The following STARD9 variants were observed in gnomAD, a reference collection of about 807,000 sequenced individuals.
STARD9 encodes StAR related lipid transfer domain containing 9.
A neutral mutation model predicts 399.8 loss-of-function variants in STARD9; 346 were observed. The observed-to-expected ratio is 0.87, with a 90% CI of 0.79 to 0.95. STARD9 has a LOEUF of 0.95. Among genes scored for constraint, STARD9 ranks in the 40% least tolerant of loss-of-function variants. The pLI is 0.00. For synonymous variants in STARD9, 2,203 were observed against 2,143.5 expected (o/e 1.03, Z -0.77); for missense variants, 5,832 against 5,667.5 (o/e 1.03, Z -0.93).
At chr15:42,607,904 C>T (rs1007490339) in intron 3 of STARD9, among the ~76,000 whole-genome samples, 4 of 152,070 alleles carry the variant, frequency 2.6e-5, no homozygotes, top group Non-Finnish European at 5.9e-5. Flanking sequence ...TATTGAAAAC[C>T]AGCCTCAAGT....
chr15:42,692,348 C>A lies in STARD9; in HGVS notation c.10770C>A (p.Phe3590Leu). 5.2e-6 allele frequency: 8 copies of A among 1,537,020 alleles called. No individual in the cohort carries two copies. Among genetic ancestry groups the A allele is most frequent in the Non-Finnish European group, 7.0e-6 (8 of 1,146,898 alleles). Residue 3590 changes from phenylalanine (F) to leucine (L), a missense_variant, in exon 23 of 33, where the codon TTC becomes TTA. This residue lies in a region of STARD9 where 5,828 missense variants were observed against 5,651.1 expected (regional missense o/e 1.03). Coordinates refer to ENST00000290607, the MANE Select transcript of STARD9 (RefSeq NM_020759.3). Reference sequence around the variant, plus strand: ...CGGGTCATGACAGAAGGCCTCAGTTCAGGGGCCCTTCTGGTGAAGCAGACT... The same window carrying A: ...CGGGTCATGACAGAAGGCCTCAGTTAAGGGGCCCTTCTGGTGAAGCAGACT... ...PTSGHDRRPQ[F>L]RGPSGEADCL...
chr15:42,590,338 A>G (rs1231055163), intron 3 of STARD9, among the ~76,000 whole-genome samples: 3 of 152,166 alleles, frequency 2.0e-5, no homozygotes, highest in Non-Finnish European at 4.4e-5. Context: ...TTCTAACTAT[A>G]AAGGATACAG....
At position 42,690,832 on chromosome 15, in the gene STARD9, C is replaced by T. The variant is rs1210305537; in HGVS notation, c.9254C>T (p.Pro3085Leu). Residue 3085 changes from proline (P) to leucine (L), a missense_variant, in exon 23 of 33, where the codon CCT becomes CTT. Physicochemically the swap from Pro to Leu is moderately conservative, Grantham distance 98 (BLOSUM62 -3). Transcript: ENST00000290607. ...GGAAGCGTGGGGTTAATAGGGGTTCCTGAGAAAAAGGTTGCTGAGAAGCAA... is the reference window on the plus strand; with the variant it reads ...GGAAGCGTGGGGTTAATAGGGGTTCTTGAGAAAAAGGTTGCTGAGAAGCAA... ...TDGSVGLIGVPEKKVAEKQAS... is the reference protein window; with the variant it reads ...TDGSVGLIGVLEKKVAEKQAS... 2.6e-6 allele frequency: 4 copies of T among 1,536,964 alleles called. No individual in the cohort carries two copies. Among genetic ancestry groups the T allele is most frequent in the Non-Finnish European group, 3.5e-6 (4 of 1,146,826 alleles).
At chr15:42,578,849 AAACAG>A (rs1487761431) in intron 1 of STARD9, among the ~76,000 whole-genome samples, 5 of 152,190 alleles carry the variant, frequency 3.3e-5, no homozygotes, top group Admixed American at 1.3e-4. Flanking sequence ...TTGTAGCAGA[AAACAG>A]AACAAAGTTC....
At chr15:42,592,427 TTTTTTTCTTTTTC>T (rs1288496339) in intron 3 of STARD9, among the ~76,000 whole-genome samples, 2 of 152,114 alleles carry the variant, frequency 1.3e-5, no homozygotes, top group African/African-American at 2.4e-5. Context: ...AGCTTCCTGT[TTTTTTTCTTTTTC>T]TTTTTTCTTT....
In STARD9 at chr15:42,690,834, G is replaced by T. The variant is rs1328479228; in HGVS notation, c.9256G>T (p.Glu3086Ter). Reference protein sequence around the residue: ...DGSVGLIGVPEKKVAEKQAST... With the variant: ...DGSVGLIGVP ...AAGCGTGGGGTTAATAGGGGTTCCT[G>T]AGAAAAAGGTTGCTGAGAAGCAAGC... The change falls in exon 23 of 33, where the codon GAG becomes TAG. Residue 3086 changes from glutamate (E) to a stop codon, truncating the protein, a stop_gained. Transcript: ENST00000290607. LOFTEE classifies it high-confidence loss of function. 6.5e-7 allele frequency: 1 copy of T among 1,537,112 alleles called. No individual in the cohort carries two copies. Among genetic ancestry groups the T allele is most frequent in the African/African-American group, 1.4e-5 (1 of 73,142 alleles).
At chr15:42,674,311 C>A in intron 16 of STARD9, 129 bp from the exon 17 acceptor site, 3 of 757,280 alleles carry the variant, frequency 4.0e-6, no homozygotes, top group Admixed American at 2.2e-5. Context: ...ACCGACCAGG[C>A]TGGGATGGGA....
chr15:42,718,454 C>T lies in STARD9; in HGVS notation c.13782C>T (p.Thr4594=). ...CTCCAGTGTACTTGGTGTGCAACAC[C>T]ACCCTGTGCGCACTGAAGCAGCCAC... ...SISLVYLVCN[T]TLCALKQPRD... is the part of the protein sequence containing the mutation. The change falls in exon 31 of 33, where the codon ACC becomes ACT. Residue 4594 remains threonine (T), a synonymous_variant. Coordinates refer to ENST00000290607, the MANE Select transcript of STARD9 (RefSeq NM_020759.3). The T allele has an allele frequency of 6.5e-7, 1 of 1,537,204 alleles. No individual in the cohort carries two copies. Among genetic ancestry groups the T allele is most frequent in the Non-Finnish European group, 8.7e-7 (1 of 1,146,870 alleles).
intron 16 of STARD9, chr15:42,671,532 C>G: frequency 6.6e-6 from 1 of 151,904 alleles, no homozygotes; most frequent in Non-Finnish European, 1.5e-5. Context: ...ACATCTGAAC[C>G]TTTTTGGATA....
At chr15:42,617,489 A>T (rs115420503) in intron 3 of STARD9, among the ~76,000 whole-genome samples, 1,786 of 151,464 alleles carry the variant, frequency 0.012, 27 homozygotes, top group African/African-American at 0.034. Flanking sequence ...CAGTCTCCCG[A>T]GTAGCTGGGA....
At chr15:42,585,127 T>C (rs1423566720) in intron 2 of STARD9, among the ~76,000 whole-genome samples, 2 of 152,192 alleles carry the variant, frequency 1.3e-5, no homozygotes, top group African/African-American at 2.4e-5. Flanking sequence ...ATTATGTATA[T>C]GCAAATATTC....
At position 42,692,163 on chromosome 15, in the gene STARD9, C is replaced by T. The variant is rs538915959; in HGVS notation, c.10585C>T (p.Leu3529Phe). The T allele has an allele frequency of 8.5e-6, 13 of 1,537,046 alleles. No homozygotes were observed. In the African/African-American group the frequency reaches 1.5e-4, roughly 18 times the overall value. Residue 3529 changes from leucine (L) to phenylalanine (F), a missense_variant, in exon 23 of 33, where the codon CTC becomes TTC. Around this residue, in one of 2 missense-constraint regions of STARD9, gnomAD observed 5,828 missense variants for 5,651.1 expected, o/e 1.03. Coordinates refer to ENST00000290607, the MANE Select transcript of STARD9 (RefSeq NM_020759.3). ...EDQNSPFHSH[L>F]STYANICDLS... The stretch of plus-strand genomic sequence containing the variant: ...CCAGAACTCCCCTTTCCACTCCCAC[C>T]TCAGCACTTACGCCAATATTTGTGA...
chr15:42,694,612 G>A lies in STARD9; in HGVS notation c.12849G>A (p.Gln4283=), dbSNP rs760999003. 104 of 1,537,152 alleles carry A rather than the reference G, an allele frequency of 6.8e-5. No individual in the cohort carries two copies. The highest frequency in any genetic ancestry group is 8.6e-5 in the Non-Finnish European group (99 of 1,146,920). The change falls in exon 24 of 33, where the codon CAG becomes CAA. Residue 4283 remains glutamine, a synonymous_variant. Coordinates refer to ENST00000290607, the MANE Select transcript of STARD9 (RefSeq NM_020759.3). The part of the protein sequence containing the change: ...NFCRTRSLSP[Q]KQLSLLPNKD... Reference sequence around the variant, plus strand: ...GCCGGACGCGAAGCCTTAGCCCTCAGAAACAACTGAGCCTCCTGCCCAACA... The same window carrying A: ...GCCGGACGCGAAGCCTTAGCCCTCAAAAACAACTGAGCCTCCTGCCCAACA...
At chr15:42,668,224 CTT>C (rs2060140802) in intron 15 of STARD9, among the ~76,000 whole-genome samples, 2 of 152,182 alleles carry the variant, frequency 1.3e-5, no homozygotes, top group South Asian at 4.1e-4. Flanking sequence ...CAACCCAGCC[CTT>C]TACAGGTACC....
intron 1 of STARD9, chr15:42,581,472 CCAG>C: frequency 6.5e-7 from 1 of 1,528,666 alleles, no homozygotes. Context: ...GTGGCCGCTG[CCAG>C]CGGAGGAGGA....
chr15:42,659,584 T>G (rs1181248826), intron 9 of STARD9, among the ~76,000 whole-genome samples: 1 of 152,200 alleles, frequency 6.6e-6, no homozygotes, highest in Non-Finnish European at 1.5e-5. Flanking sequence ...GGAGGGGCAG[T>G]GGCGCGATCT....
intron 3 of STARD9, among the ~76,000 whole-genome samples, chr15:42,597,199 A>T (rs1006956688): frequency 6.6e-6 from 1 of 152,098 alleles, no homozygotes; most frequent in African/African-American, 2.4e-5. Flanking sequence ...CAGCCTAAGC[A>T]GTCCTCTTAC....
chr15:42,703,544 T>G (rs1033591780), intron 26 of STARD9, among the ~76,000 whole-genome samples: 76 of 151,160 alleles, frequency 5.0e-4, no homozygotes, highest in Non-Finnish European at 8.9e-4. Flanking sequence ...TTTTTTTTTT[T>G]TTGTATTTTT....
At chr15:42,601,071 T>C (rs1158631518) in intron 3 of STARD9, among the ~76,000 whole-genome samples, 1 of 152,078 alleles carries the variant, frequency 6.6e-6, no homozygotes, top group African/African-American at 2.4e-5. Context: ...TGATGACTCT[T>C]AACGAGTATG....
Sources: gnomAD v4.1 joint callset for allele counts (sites outside exome capture counted in the v4.1 genomes callset) on GRCh38, gnomAD v4.1.1 for gene constraint, gnomAD v4.1.1 regional missense constraint, MANE v1.5 for transcripts, NCBI Gene and HGNC (gene_info 2026-07-23, HGNC 2026-07-21) for gene names.